The following ULK4 variants were observed in gnomAD, a reference collection of about 807,000 sequenced individuals.
ULK4 encodes inactive serine/threonine-protein kinase ULK4.
ULK4 carries 133 observed loss-of-function variants against 160.6 expected under a neutral mutation model. The observed-to-expected ratio is 0.83, with a 90% CI of 0.72 to 0.96. The LOEUF is 0.96. Among genes scored for constraint, ULK4 ranks in the 40% least tolerant of loss-of-function variants. The pLI, the probability that ULK4 is intolerant of heterozygous loss-of-function variation, is 0.00. For missense variants in ULK4, 1,580 were observed against 1,499.5 expected (o/e 1.05, Z -0.89); for synonymous variants, 534 against 539.8 (o/e 0.99, Z 0.15).
At chr3:41,880,596 G>A (rs1423645430) in intron 17 of ULK4, among the ~76,000 whole-genome samples, 1 of 152,098 alleles carries the variant, frequency 6.6e-6, no homozygotes, top group Non-Finnish European at 1.5e-5. Context: ...GGGGTACAAA[G>A]GTGAGTAACA....
chr3:41,643,560 T>C (rs1437619370), intron 30 of ULK4, among the ~76,000 whole-genome samples: 1 of 152,232 alleles, frequency 6.6e-6, no homozygotes, highest in Non-Finnish European at 1.5e-5. Context: ...TATCTCTGTT[T>C]TGGTACCAGT....
chr3:41,488,934 T>C (rs67599916), intron 32 of ULK4, among the ~76,000 whole-genome samples: 19,481 of 152,070 alleles, frequency 0.13, 1,529 homozygotes, highest in Admixed American at 0.18. Context: ...CCATCCTTCC[T>C]GCAGGTCTCG....
intron 34 of ULK4, among the ~76,000 whole-genome samples, chr3:41,441,995 T>C (rs2083181238): frequency 6.6e-6 from 1 of 152,220 alleles, no homozygotes; most frequent in African/African-American, 2.4e-5. Context: ...CAGCTTTCTT[T>C]TGATTAGTGT....
intron 35 of ULK4, among the ~76,000 whole-genome samples, chr3:41,369,697 G>T (rs552368572): frequency 6.6e-6 from 1 of 151,658 alleles, no homozygotes; most frequent in East Asian, 1.9e-4. Context: ...AGGAGGCTGA[G>T]GAATGAGAAT....
At chr3:41,255,384 G>A (rs188811162) in intron 35 of ULK4, among the ~76,000 whole-genome samples, 122 of 152,282 alleles carry the variant, frequency 8.0e-4, no homozygotes, top group African/African-American at 2.9e-3. Flanking sequence ...TTGGGAGGCC[G>A]AGGCAGGAGA....
At chr3:41,340,178 T>G (rs1422373743) in intron 35 of ULK4, among the ~76,000 whole-genome samples, 1 of 152,272 alleles carries the variant, frequency 6.6e-6, no homozygotes, top group Non-Finnish European at 1.5e-5. Context: ...TGATGTTTGA[T>G]TGGGTTTTTA....
chr3:41,600,775 A>T (rs2032011922), intron 31 of ULK4, among the ~76,000 whole-genome samples: 1 of 152,204 alleles, frequency 6.6e-6, no homozygotes, highest in Admixed American at 6.5e-5. Flanking sequence ...TCCTGTGCTC[A>T]TTCTTTTCTC....
chr3:41,809,787 A>G (rs554833063), intron 19 of ULK4, among the ~76,000 whole-genome samples: 1 of 152,228 alleles, frequency 6.6e-6, no homozygotes, highest in South Asian at 2.1e-4. Flanking sequence ...TTTTTTCAAT[A>G]ATTTATTTTT....
chr3:41,679,430 T>C (rs993616789), intron 29 of ULK4, among the ~76,000 whole-genome samples: 6 of 152,224 alleles, frequency 3.9e-5, no homozygotes, highest in African/African-American at 2.4e-5. Flanking sequence ...TCTGAAAGGT[T>C]TGAAAACATT....
intron 5 of ULK4, among the ~76,000 whole-genome samples, chr3:41,924,343 A>C (rs115814934): frequency 8.7e-4 from 132 of 152,286 alleles, no homozygotes; most frequent in African/African-American, 3.0e-3. Context: ...AGGGATGTAA[A>C]AGTTAACCAC....
At position 41,363,647 on chromosome 3, in the gene ULK4, T is replaced by C. The variant is rs550847003; in HGVS notation, c.3678+34432A>G. Among the ~76,000 whole-genome samples the C allele has an allele frequency of 3.3e-5, 5 of 152,192 alleles. No homozygotes were observed. The South Asian group carries it at 8.3e-4, about 25-fold the overall frequency. Reference sequence around the variant, plus strand: ...CAGAAATGGGCCTTTACTAAAGAAATAGGATGAAAATTTGTAATATAGTAG... The same window carrying C: ...CAGAAATGGGCCTTTACTAAAGAAACAGGATGAAAATTTGTAATATAGTAG... On this transcript the variant is annotated intron_variant, in intron 35 of 36. Transcript: ENST00000301831.
At chr3:41,553,941 T>C (rs1015966753) in intron 32 of ULK4, among the ~76,000 whole-genome samples, 2 of 152,148 alleles carry the variant, frequency 1.3e-5, no homozygotes, top group East Asian at 1.9e-4. Context: ...CTAACTATTT[T>C]ATTGGTAACC....
intron 21 of ULK4, among the ~76,000 whole-genome samples, chr3:41,767,927 A>T (rs77500458): frequency 6.6e-6 from 1 of 152,114 alleles, no homozygotes; most frequent in Non-Finnish European, 1.5e-5. Context: ...GGAGTCCCCA[A>T]CCCCCAGGCC....
intron 27 of ULK4, among the ~76,000 whole-genome samples, chr3:41,685,294 T>A (rs2036064146): frequency 6.6e-6 from 1 of 152,156 alleles, no homozygotes; most frequent in Non-Finnish European, 1.5e-5. Flanking sequence ...TCCTTAAGCA[T>A]AAAGAAGGTG....
Position 41,774,730 on chromosome 3 carries a change from C to G in ULK4, c.2193+14931G>C, listed in dbSNP as rs562283754. On this transcript the variant is annotated intron_variant, in intron 21 of 36. Coordinates refer to ENST00000301831, the MANE Select transcript of ULK4 (RefSeq NM_017886.4). ...CAGCCATCCCATTACTGGGTATATA[C>G]CCAAAGGATTATAAATCATGCTGCT... Among the ~76,000 whole-genome samples the G allele has an allele frequency of 1.1e-3, 161 of 150,366 alleles. 3 individuals are homozygous for G. Among genetic ancestry groups the G allele is most frequent in the African/African-American group, 3.9e-3 (156 of 39,832 alleles).
At chr3:41,710,697 G>A (rs775683842) in intron 25 of ULK4, among the ~76,000 whole-genome samples, 8 of 151,880 alleles carry the variant, frequency 5.3e-5, no homozygotes, top group Admixed American at 1.3e-4. Context: ...GGGAGGCTGA[G>A]GAATGAGAAT....
intron 18 of ULK4, among the ~76,000 whole-genome samples, chr3:41,827,515 A>G (rs2041405170): frequency 6.6e-6 from 1 of 152,096 alleles, no homozygotes; most frequent in South Asian, 2.1e-4. Flanking sequence ...AGAATACTAC[A>G]AACACCTCTA....
chr3:41,721,349 T>TAC (rs1197814590), intron 22 of ULK4, among the ~76,000 whole-genome samples: 61 of 60,692 alleles, frequency 1.0e-3, no homozygotes, highest in African/African-American at 5.1e-3. Flanking sequence ...TATATATATA[T>TAC]ATATATATAT....
At chr3:41,294,738 A>C (rs1041130366) in intron 35 of ULK4, among the ~76,000 whole-genome samples, 1 of 152,170 alleles carries the variant, frequency 6.6e-6, no homozygotes, top group Non-Finnish European at 1.5e-5. Context: ...AATAACAAGA[A>C]AAGAAAATAA....
Sources: allele counts gnomAD v4.1 joint callset (sites outside exome capture counted in the v4.1 genomes callset), GRCh38; gene constraint gnomAD v4.1.1; transcripts MANE v1.5; gene names NCBI Gene and HGNC (gene_info 2026-07-23, HGNC 2026-07-21).